The following ROBO2 variants were observed in gnomAD, a reference collection of about 807,000 sequenced individuals.
ROBO2 encodes roundabout guidance receptor 2.
In ROBO2, 53 loss-of-function variants were observed where a neutral mutation model predicts 160.8. The observed-to-expected ratio is 0.33, with a 90% CI of 0.26 to 0.41. The LOEUF (loss-of-function observed/expected upper bound fraction) is 0.41, where lower values mean the gene tolerates loss of function less well. Ranked by LOEUF, ROBO2 falls within the 10% of genes least tolerant of loss-of-function variation. The pLI, the probability that ROBO2 is intolerant of heterozygous loss-of-function variation, is 1.00. For missense variants in ROBO2, 1,577 were observed against 1,722.4 expected (o/e 0.92, Z 1.49); for synonymous variants, 664 against 611.7 (o/e 1.09, Z -1.26).
intron 2 of ROBO2, among the ~76,000 whole-genome samples, chr3:76,841,493 A>G (rs991004437): frequency 2.0e-5 from 3 of 152,206 alleles, no homozygotes; most frequent in African/African-American, 7.2e-5. Flanking sequence ...GGGCTGGTAC[A>G]TTGCCCCCCT....
At chr3:77,038,023 G>A (rs1253980651), upstream of ROBO2, among the ~76,000 whole-genome samples, 8 of 152,204 alleles carry the variant, frequency 5.3e-5, no homozygotes, top group Non-Finnish European at 7.3e-5. Flanking sequence ...AAGCCCAAGT[G>A]TTTAAAATGA....
intron 2 of ROBO2, among the ~76,000 whole-genome samples, chr3:76,115,929 A>G (rs1455892445): frequency 6.6e-6 from 1 of 152,172 alleles, no homozygotes; most frequent in African/African-American, 2.4e-5. Context: ...AAATGCCTTC[A>G]TGTTTGTTGG....
At chr3:76,725,888 T>C (rs748240226) in intron 2 of ROBO2, among the ~76,000 whole-genome samples, 4 of 152,168 alleles carry the variant, frequency 2.6e-5, no homozygotes, top group Non-Finnish European at 5.9e-5. Flanking sequence ...GTGTTCCCCA[T>C]TTCTCCAACG....
chr3:76,888,773 G>A (rs2074112829), intron 2 of ROBO2, among the ~76,000 whole-genome samples: 1 of 152,174 alleles, frequency 6.6e-6, no homozygotes, highest in South Asian at 2.1e-4. Flanking sequence ...GTACTAGCAA[G>A]AGTTAAGGAA....
intron 2 of ROBO2, among the ~76,000 whole-genome samples, chr3:76,803,139 T>C (rs1444859044): frequency 6.6e-6 from 1 of 152,184 alleles, no homozygotes; most frequent in African/African-American, 2.4e-5. Flanking sequence ...ATATTAGTCA[T>C]ATTTGTATAA....
At chr3:76,276,757 AG>A (rs1707947813) in intron 2 of ROBO2, among the ~76,000 whole-genome samples, 1 of 152,030 alleles carries the variant, frequency 6.6e-6, no homozygotes, top group Non-Finnish European at 1.5e-5. Flanking sequence ...TTGAACAACA[AG>A]AAGTCTATAA....
chr3:76,580,343 T>TG (rs1451532781), intron 2 of ROBO2, among the ~76,000 whole-genome samples: 914 of 7,268 alleles, frequency 0.13, 30 homozygotes, highest in East Asian at 0.29. Context: ...TTTTTTTGTG[T>TG]TTTTTTTTTT....
chr3:76,239,258 C>G (rs987043186), intron 2 of ROBO2, among the ~76,000 whole-genome samples: 8 of 151,860 alleles, frequency 5.3e-5, no homozygotes, highest in Non-Finnish European at 4.4e-5. Flanking sequence ...TGTCCTAATT[C>G]CAATGGATAC....
chr3:77,557,993 A>G lies in ROBO2; in HGVS notation c.1281A>G (p.Gln427=). The change falls in exon 9 of 26, where the codon CAA becomes CAG. Residue 427 remains glutamine (Q), a synonymous_variant. Transcript: ENST00000461745. ...TAATTCTACAAGGCCCAGCCAACCA[A>G]ACGCTGGCAGTGGATGGTACAGCGT... 3 of 1,613,140 alleles carry G rather than the reference A, an allele frequency of 1.9e-6. No homozygotes were observed. The South Asian group carries it at 3.3e-5, about 18-fold the overall frequency.
intron 2 of ROBO2, among the ~76,000 whole-genome samples, chr3:77,332,785 T>G (rs2066109341): frequency 6.6e-6 from 1 of 152,230 alleles, no homozygotes; most frequent in African/African-American, 2.4e-5. Flanking sequence ...TTAGCTCTAA[T>G]GTATAACACA....
Position 77,031,395 on chromosome 3 carries a change from T to C in ROBO2, c.110-66619T>C, listed in dbSNP as rs888397605. ...CATATAAAAAACTTCCTTTTTTATA[T>C]ATAATTACATGTATATACAGTGCAT... is the stretch of plus-strand genomic sequence containing the variant. On this transcript the variant is annotated intron_variant, in intron 2 of 26. Transcript: ENST00000487694. Among the ~76,000 whole-genome samples, 50 of 149,876 alleles carry C rather than the reference T, an allele frequency of 3.3e-4. 1 individual carries two copies. The highest frequency in any genetic ancestry group is 1.1e-3 in the African/African-American group (45 of 41,124).
At chr3:75,933,061 A>G (rs1388719345) in intron 1 of ROBO2, among the ~76,000 whole-genome samples, 1 of 152,186 alleles carries the variant, frequency 6.6e-6, no homozygotes, top group Non-Finnish European at 1.5e-5. Flanking sequence ...AGAATTTACT[A>G]AGGTCAAAAA....
At chr3:77,617,593 A>G in exon 22 of ROBO2, 1 of 1,614,162 alleles carries the variant, frequency 6.2e-7, no homozygotes, top group Non-Finnish European at 8.5e-7. Flanking sequence ...CTGGAAGAAG[A>G]TGATGATAGG....
intron 1 of ROBO2, among the ~76,000 whole-genome samples, chr3:77,086,541 C>T (rs1275716887): frequency 6.6e-6 from 1 of 152,120 alleles, no homozygotes; most frequent in South Asian, 2.1e-4. Flanking sequence ...ATTTTGCATC[C>T]GGTGCCTGCA....
intron 2 of ROBO2, among the ~76,000 whole-genome samples, chr3:77,137,135 T>G (rs2076342416): frequency 6.6e-6 from 1 of 152,168 alleles, no homozygotes; most frequent in Non-Finnish European, 1.5e-5. Flanking sequence ...TTCTCACGAC[T>G]CTTATTGCAG....
Position 76,843,983 on chromosome 3 carries a change from A to G in ROBO2, c.110-254031A>G, listed in dbSNP as rs562617459. Among the ~76,000 whole-genome samples the G allele has an allele frequency of 2.0e-5, 3 of 152,120 alleles. No homozygotes were observed. The South Asian group carries it at 6.2e-4, about 32-fold the overall frequency. On this transcript the variant is annotated intron_variant, in intron 2 of 26. Coordinates refer to the ROBO2 transcript ENST00000487694. ...AAATAAGGTGGGATTTTTTAATCATATCATTATTACATATTTGAGTTCTAA... is the reference window on the plus strand; with the variant it reads ...AAATAAGGTGGGATTTTTTAATCATGTCATTATTACATATTTGAGTTCTAA...
At chr3:76,285,803 A>G (rs567084871) in intron 2 of ROBO2, among the ~76,000 whole-genome samples, 34 of 152,226 alleles carry the variant, frequency 2.2e-4, no homozygotes, top group African/African-American at 7.5e-4. Context: ...TCATGTTTGT[A>G]TATCTTAAGC....
intron 2 of ROBO2, among the ~76,000 whole-genome samples, chr3:76,590,841 T>TTA (rs1265527029): frequency 6.6e-6 from 1 of 152,152 alleles, no homozygotes; most frequent in Non-Finnish European, 1.5e-5. Flanking sequence ...GAAATATAGC[T>TTA]TATTAAATTA....
chr3:76,367,705 TCTA>T (rs2075894834), intron 2 of ROBO2, among the ~76,000 whole-genome samples: 1 of 151,974 alleles, frequency 6.6e-6, no homozygotes, highest in South Asian at 2.1e-4. Flanking sequence ...GCCTAAATAA[TCTA>T]CTTTGAAAAT....
Sources: gnomAD v4.1 joint callset for allele counts (sites outside exome capture counted in the v4.1 genomes callset) on GRCh38, gnomAD v4.1.1 for gene constraint, MANE v1.5 for transcripts, NCBI Gene and HGNC (gene_info 2026-07-23, HGNC 2026-07-21) for gene names.